Variants in GALNTL6 observed in about 807,000 individuals in gnomAD.
The protein encoded by GALNTL6 is polypeptide N-acetylgalactosaminyltransferase like 6.
GALNTL6 carries 46 observed loss-of-function variants against 73.7 expected under a neutral mutation model. The observed-to-expected ratio is 0.62, with a 90% CI of 0.49 to 0.80. The LOEUF (loss-of-function observed/expected upper bound fraction) is 0.80, where lower values mean the gene tolerates loss of function less well. Among genes scored for constraint, GALNTL6 ranks in the 30% least tolerant of loss-of-function variants. GALNTL6 has a pLI of 0.00. For missense variants in GALNTL6, 604 were observed against 755.0 expected (o/e 0.80, Z 2.34); for synonymous variants, 259 against 263.7 (o/e 0.98, Z 0.17).
Position 172,954,906 on chromosome 4 carries a change from T to A in GALNTL6, c.1371+2648T>A, listed in dbSNP as rs190740946. On this transcript the variant is annotated intron_variant, in intron 10 of 12. Transcript: ENST00000506823. ...AGTTTATGGGCCAGTTGCATTCAGTTGAATTTGTTCGGTGAAGATGTGATG... is the reference window on the plus strand; with the variant it reads ...AGTTTATGGGCCAGTTGCATTCAGTAGAATTTGTTCGGTGAAGATGTGATG... Among the ~76,000 whole-genome samples the A allele has an allele frequency of 4.5e-4, 68 of 152,272 alleles. 1 individual carries two copies. The East Asian group carries it at 7.9e-3, about 18-fold the overall frequency.
chr4:172,584,307 G>A (rs2110981232), intron 5 of GALNTL6, among the ~76,000 whole-genome samples: 1 of 152,244 alleles, frequency 6.6e-6, no homozygotes, highest in East Asian at 1.9e-4. Flanking sequence ...GGTAAGGTCT[G>A]AGCAAAATTA....
intron 5 of GALNTL6, among the ~76,000 whole-genome samples, chr4:172,573,460 C>T (rs535760712): frequency 6.6e-6 from 1 of 152,246 alleles, no homozygotes; most frequent in South Asian, 2.1e-4. Flanking sequence ...TTTCTATCAA[C>T]TACAGACAGA....
intron 2 of GALNTL6, among the ~76,000 whole-genome samples, chr4:172,157,822 GT>G (rs34517065): frequency 3.3e-5 from 5 of 151,934 alleles, no homozygotes; most frequent in Non-Finnish European, 5.9e-5. Context: ...GATTTTAAAT[GT>G]TTTTTATGAT....
chr4:171,948,913 T>C (rs1190686635), intron 2 of GALNTL6, among the ~76,000 whole-genome samples: 1 of 151,878 alleles, frequency 6.6e-6, no homozygotes, highest in Admixed American at 6.6e-5. Context: ...TGCAGAATAA[T>C]ATGGACAGTC....
intron 5 of GALNTL6, among the ~76,000 whole-genome samples, chr4:172,417,172 A>ATGTGTGTGTG (rs201314253): frequency 1.3e-5 from 2 of 148,894 alleles, no homozygotes; most frequent in African/African-American, 4.9e-5. Context: ...CTGTTGCTTT[A>ATGTGTGTGTG]TGTGTGTGTG....
Position 172,823,446 on chromosome 4 carries a change from C to T in GALNTL6, c.923+9723C>T, listed in dbSNP as rs533105365. On this transcript the variant is annotated intron_variant, in intron 7 of 12. Coordinates refer to ENST00000506823, the MANE Select transcript of GALNTL6 (RefSeq NM_001034845.3). ...CAGTGCTGTGTCACTAGCATCTAGT[C>T]TCTGTGCATAAAAGACACTCAACAA... Among the ~76,000 whole-genome samples, 16 of 152,314 alleles carry T rather than the reference C, an allele frequency of 1.1e-4. No homozygotes were observed. The South Asian group carries it at 3.1e-3, about 30-fold the overall frequency.
intron 5 of GALNTL6, among the ~76,000 whole-genome samples, chr4:172,405,884 T>C (rs939617853): frequency 6.6e-6 from 1 of 152,094 alleles, no homozygotes; most frequent in Non-Finnish European, 1.5e-5. Context: ...TAGTAGGGCA[T>C]TCACGGAAGA....
intron 4 of GALNTL6, among the ~76,000 whole-genome samples, chr4:172,326,012 A>T (rs1740928605): frequency 6.6e-6 from 1 of 151,904 alleles, no homozygotes; most frequent in Non-Finnish European, 1.5e-5. Context: ...TATATCACTG[A>T]TCATAGAATT....
Position 172,143,488 on chromosome 4 carries a change from A to AC in GALNTL6, c.139-86168_139-86167insC, listed in dbSNP as rs1733852372. Among the ~76,000 whole-genome samples, 3 of 150,072 alleles carry AC rather than the reference A, an allele frequency of 2.0e-5. No homozygotes were observed. The South Asian group carries it at 6.4e-4, about 32-fold the overall frequency. On this transcript the variant is annotated intron_variant, in intron 2 of 12. Coordinates refer to ENST00000506823, the MANE Select transcript of GALNTL6 (RefSeq NM_001034845.3). ...ATCTGTGTGTTTGGTAGGTTTGAGG[A>AC]TTTTTGTTTTGTTTTGTTTTTTGTT...
intron 5 of GALNTL6, among the ~76,000 whole-genome samples, chr4:172,581,234 C>G (rs1023884010): frequency 2.6e-5 from 4 of 152,172 alleles, no homozygotes; most frequent in Non-Finnish European, 5.9e-5. Context: ...TACAACTATG[C>G]AAAATCATCT....
At chr4:172,922,425 A>T (rs1747844234) in intron 8 of GALNTL6, among the ~76,000 whole-genome samples, 1 of 152,220 alleles carries the variant, frequency 6.6e-6, no homozygotes, top group South Asian at 2.1e-4. Flanking sequence ...TTCCTAAGGA[A>T]TCATGTTCCC....
chr4:172,054,370 CAA>C (rs1222327523), intron 2 of GALNTL6, among the ~76,000 whole-genome samples: 2 of 152,082 alleles, frequency 1.3e-5, no homozygotes, highest in Non-Finnish European at 2.9e-5. Flanking sequence ...ATTAAACATG[CAA>C]AGTGTCTTAG....
At chr4:171,988,355 A>G (rs144056132) in intron 2 of GALNTL6, among the ~76,000 whole-genome samples, 1,910 of 152,284 alleles carry the variant, frequency 0.013, 41 homozygotes, top group African/African-American at 0.044. Flanking sequence ...ATGTGGATGA[A>G]ATTTGGGCTT....
chr4:172,820,816 C>T (rs958377030), intron 7 of GALNTL6, among the ~76,000 whole-genome samples: 17 of 152,138 alleles, frequency 1.1e-4, no homozygotes, highest in Non-Finnish European at 1.9e-4. Flanking sequence ...ATAAAAATAC[C>T]AAAAGATGTG....
intron 7 of GALNTL6, among the ~76,000 whole-genome samples, chr4:172,873,647 A>G (rs1388966355): frequency 6.6e-6 from 1 of 152,230 alleles, no homozygotes; most frequent in Non-Finnish European, 1.5e-5. Flanking sequence ...TTCTTTGTGG[A>G]TAGGCTTGAC....
intron 5 of GALNTL6, among the ~76,000 whole-genome samples, chr4:172,595,039 A>G (rs1737799565): frequency 6.6e-6 from 1 of 152,154 alleles, no homozygotes; most frequent in African/African-American, 2.4e-5. Flanking sequence ...TCCTTACATG[A>G]GAAGAAGAGG....
intron 2 of GALNTL6, among the ~76,000 whole-genome samples, chr4:171,844,216 G>A (rs546291173): frequency 2.0e-5 from 3 of 152,234 alleles, no homozygotes; most frequent in Middle Eastern, 3.4e-3. Context: ...GCTGGGGCCA[G>A]TCCTTGATTT....
At chr4:171,985,879 A>G (rs1740057505) in intron 2 of GALNTL6, among the ~76,000 whole-genome samples, 1 of 151,766 alleles carries the variant, frequency 6.6e-6, no homozygotes. Context: ...CTCTACTAAA[A>G]ATACAAAAAT....
At chr4:171,999,759 T>TAA (rs11439572) in intron 2 of GALNTL6, among the ~76,000 whole-genome samples, 10 of 151,672 alleles carry the variant, frequency 6.6e-5, no homozygotes, top group Non-Finnish European at 2.9e-5. Flanking sequence ...ACTCTGAAAT[T>TAA]AAAAAAAAGT....
Sources: allele counts gnomAD v4.1 joint callset (sites outside exome capture counted in the v4.1 genomes callset), GRCh38; gene constraint gnomAD v4.1.1; transcripts MANE v1.5; gene names NCBI Gene and HGNC (gene_info 2026-07-23, HGNC 2026-07-21).